SAXO1: variants seen among roughly 807,000 people sequenced by gnomAD.
SAXO1 encodes 4930500O09Rik.
A neutral mutation model predicts 17.5 loss-of-function variants in SAXO1; 21 were observed. The ratio of observed to expected loss-of-function variants is 1.20; its 90% CI spans 0.85 to 1.72. SAXO1 has a LOEUF of 1.72. SAXO1 is among the 40% of genes most tolerant of loss of function. SAXO1 has a pLI of 0.00. For missense variants in SAXO1, 843 were observed against 596.0 expected (o/e 1.41, Z -4.32); for synonymous variants, 274 against 216.5 (o/e 1.27, Z -2.33).
intron 1 of SAXO1, 119 bp downstream of exon 1, chr9:19,032,752 T>C (rs1835820530): frequency 9.3e-7 from 1 of 1,076,856 alleles, no homozygotes; most frequent in Non-Finnish European, 1.3e-6. Flanking sequence ...TTAAAAAACG[T>C]AGCAAGTGGA....
chr9:19,029,545 C>T (rs568819875), intron 1 of SAXO1, among the ~76,000 whole-genome samples: 1 of 152,308 alleles, frequency 6.6e-6, no homozygotes, highest in Admixed American at 6.5e-5. Context: ...CTCGCTCCAT[C>T]CCAACCGGTC....
At chr9:18,949,951 G>T (rs948126276) in intron 2 of SAXO1, among the ~76,000 whole-genome samples, 2 of 152,120 alleles carry the variant, frequency 1.3e-5, no homozygotes, top group African/African-American at 4.8e-5. Context: ...ATCTTTCAGG[G>T]CTCAGCTAAG....
chr9:19,021,956 G>A (rs1042112082), intron 1 of SAXO1, among the ~76,000 whole-genome samples: 3 of 152,214 alleles, frequency 2.0e-5, no homozygotes, highest in Non-Finnish European at 2.9e-5. Flanking sequence ...AAGCCAGCAA[G>A]GGCAACCTGC....
At chr9:18,986,882 T>C (rs1414298733) in intron 1 of SAXO1, among the ~76,000 whole-genome samples, 1 of 152,196 alleles carries the variant, frequency 6.6e-6, no homozygotes, top group Non-Finnish European at 1.5e-5. Flanking sequence ...AAAATCAGCA[T>C]GACAATTTTC....
At chr9:19,027,360 G>A (rs554400355) in intron 1 of SAXO1, 2 of 778,338 alleles carry the variant, frequency 2.6e-6, no homozygotes, top group East Asian at 2.4e-5. Context: ...CGCGGGTGAA[G>A]GCCACAGAGG....
At chr9:18,995,936 G>A (rs1833983198) in intron 1 of SAXO1, among the ~76,000 whole-genome samples, 1 of 152,006 alleles carries the variant, frequency 6.6e-6, no homozygotes, top group Non-Finnish European at 1.5e-5. Flanking sequence ...ACAACTAGCT[G>A]GAAGTGGTGG....
chr9:19,019,408 A>AC (rs1190075613), intron 1 of SAXO1, among the ~76,000 whole-genome samples: 5 of 152,080 alleles, frequency 3.3e-5, no homozygotes, highest in African/African-American at 1.2e-4. Flanking sequence ...CATCTCACAG[A>AC]CACACACCCA....
intron 2 of SAXO1, among the ~76,000 whole-genome samples, chr9:18,944,861 G>C (rs1428956863): frequency 6.6e-6 from 1 of 152,150 alleles, no homozygotes; most frequent in Non-Finnish European, 1.5e-5. Context: ...TTTTAAACCT[G>C]TTTTTAATGT....
chr9:18,966,573 G>C (rs368654630), intron 1 of SAXO1, among the ~76,000 whole-genome samples: 130 of 152,218 alleles, frequency 8.5e-4, no homozygotes, highest in African/African-American at 2.9e-3. Flanking sequence ...CTCTTGTGCT[G>C]TGTTCTACAC....
chr9:18,985,523 T>C (rs994951869), intron 1 of SAXO1, among the ~76,000 whole-genome samples: 6 of 152,142 alleles, frequency 3.9e-5, no homozygotes, highest in Non-Finnish European at 7.4e-5. Flanking sequence ...AAAATTCATT[T>C]TTTTGTTGGC....
chr9:18,972,995 G>A (rs1003785190), intron 1 of SAXO1, among the ~76,000 whole-genome samples: 1 of 152,102 alleles, frequency 6.6e-6, no homozygotes, highest in Non-Finnish European at 1.5e-5. Flanking sequence ...CTCCCCACAA[G>A]CCCTCTCACT....
intron 1 of SAXO1, among the ~76,000 whole-genome samples, chr9:18,977,763 G>A (rs1171196428): frequency 6.6e-6 from 1 of 151,974 alleles, no homozygotes; most frequent in African/African-American, 2.4e-5. Context: ...GAGATGCCAA[G>A]GCAGTGGATC....
chr9:19,009,904 GCAA>G (rs1274405655), intron 1 of SAXO1, among the ~76,000 whole-genome samples: 39 of 150,596 alleles, frequency 2.6e-4, no homozygotes, highest in Admixed American at 2.5e-3. Flanking sequence ...TCTGCTCACT[GCAA>G]CCTCCGCCTC....
chr9:18,994,496 T>A (rs1022641763), intron 1 of SAXO1, among the ~76,000 whole-genome samples: 4 of 152,176 alleles, frequency 2.6e-5, no homozygotes, highest in African/African-American at 9.7e-5. Context: ...ATAAAAGCAG[T>A]CACGCTGCAT....
At chr9:19,031,844 T>C (rs753866232) in intron 1 of SAXO1, among the ~76,000 whole-genome samples, 6 of 152,192 alleles carry the variant, frequency 3.9e-5, no homozygotes, top group Admixed American at 1.3e-4. Context: ...GAACCATTTA[T>C]TGATGCCAGA....
intron 1 of SAXO1, among the ~76,000 whole-genome samples, chr9:18,985,122 GAGA>G (rs1051261381): frequency 1.3e-5 from 2 of 151,968 alleles, no homozygotes; most frequent in African/African-American, 4.8e-5. Flanking sequence ...GAGGCCCAAG[GAGA>G]AGGAGAGAGA....
intron 1 of SAXO1, among the ~76,000 whole-genome samples, chr9:18,983,055 C>T (rs542828400): frequency 6.6e-6 from 1 of 151,290 alleles, no homozygotes; most frequent in Non-Finnish European, 1.5e-5. Flanking sequence ...GGACCATTAG[C>T]AGAGAGGTTA....
intron 2 of SAXO1, among the ~76,000 whole-genome samples, chr9:18,942,041 T>C (rs1164170896): frequency 2.6e-5 from 3 of 116,118 alleles, no homozygotes; most frequent in African/African-American, 1.1e-4. Context: ...CTCAGACACC[T>C]GTATTCATCT....
At chr9:18,971,082 CTCCTACCCAACCCATACCTTT>C in intron 1 of SAXO1, among the ~76,000 whole-genome samples, 1 of 152,260 alleles carries the variant, frequency 6.6e-6, no homozygotes, top group Admixed American at 6.5e-5. Flanking sequence ...TGCACCAGCC[CTCCTACCCAACCCATACCTTT>C]TCCTACCTGA....
Sources: gnomAD v4.1 joint callset for allele counts (sites outside exome capture counted in the v4.1 genomes callset) on GRCh38, gnomAD v4.1.1 for gene constraint, MANE v1.5 for transcripts, NCBI Gene and HGNC (gene_info 2026-07-23, HGNC 2026-07-21) for gene names.